Variants in C1orf21 observed in about 807,000 individuals in gnomAD.
C1orf21 encodes chromosome 1 open reading frame 21.
Under a neutral mutation model 18.7 loss-of-function variants are expected in C1orf21, and 3 were observed. The ratio of observed to expected loss-of-function variants is 0.16; its 90% CI spans 0.07 to 0.42. The LOEUF is 0.42. Ranked by LOEUF, C1orf21 falls within the 10% of genes least tolerant of loss-of-function variation. The pLI, the probability that C1orf21 is intolerant of heterozygous loss-of-function variation, is 0.99. For synonymous variants in C1orf21, 41 were observed against 46.4 expected (o/e 0.88, Z 0.47); for missense variants, 104 against 143.6 (o/e 0.72, Z 1.41).
intron 1 of C1orf21, among the ~76,000 whole-genome samples, chr1:184,410,515 A>G (rs1293715050): frequency 2.1e-5 from 3 of 144,806 alleles, no homozygotes; most frequent in Non-Finnish European, 3.0e-5. Context: ...ATATGATGGT[A>G]TTAAATAAGA....
intron 1 of C1orf21, among the ~76,000 whole-genome samples, chr1:184,406,197 A>G (rs1656246733): frequency 6.6e-6 from 1 of 152,222 alleles, no homozygotes; most frequent in African/African-American, 2.4e-5. Context: ...ACTCAATAGA[A>G]TAAAATAAAC....
At chr1:184,395,208 G>A (rs1656032536) in intron 1 of C1orf21, among the ~76,000 whole-genome samples, 1 of 151,984 alleles carries the variant, frequency 6.6e-6, no homozygotes, top group South Asian at 2.1e-4. Context: ...TTTGTCCCCA[G>A]CCAAATGTAA....
intron 1 of C1orf21, among the ~76,000 whole-genome samples, chr1:184,420,020 A>G (rs1321174159): frequency 1.3e-5 from 2 of 152,184 alleles, no homozygotes; most frequent in Non-Finnish European, 2.9e-5. Flanking sequence ...ATGGAGACGT[A>G]GATGGCAGAG....
intron 1 of C1orf21, among the ~76,000 whole-genome samples, chr1:184,449,233 TG>T (rs2101978669): frequency 6.8e-6 from 1 of 147,850 alleles, no homozygotes; most frequent in Admixed American, 7.0e-5. Context: ...CGGTGTGTGA[TG>T]TCCCCCTTCC....
chr1:184,568,908 T>A lies in C1orf21; in HGVS notation c.190-21831T>A, dbSNP rs116520971. Among the ~76,000 whole-genome samples, 1,428 of 152,372 alleles carry A rather than the reference T, an allele frequency of 9.4e-3. 26 individuals carry two copies. Among genetic ancestry groups the A allele is most frequent in the African/African-American group, 0.033 (1,372 of 41,590 alleles). On this transcript the variant is annotated intron_variant, in intron 3 of 5. Coordinates refer to ENST00000235307, the MANE Select transcript of C1orf21 (RefSeq NM_030806.4). ...ACAAGTAAAGGAGGACAAATGTTCA[T>A]TCGTTCTTTCTTTCAACCTTTATTG...
At chr1:184,556,099 C>T (rs927114772) in intron 3 of C1orf21, among the ~76,000 whole-genome samples, 1 of 152,192 alleles carries the variant, frequency 6.6e-6, no homozygotes, top group Non-Finnish European at 1.5e-5. Context: ...ACAACACACA[C>T]ACATACACAC....
At chr1:184,569,565 T>G (rs1659080597) in intron 3 of C1orf21, among the ~76,000 whole-genome samples, 1 of 152,160 alleles carries the variant, frequency 6.6e-6, no homozygotes, top group South Asian at 2.1e-4. Context: ...AAAAATAAAA[T>G]TAAACTCCAG....
At chr1:184,503,342 G>C (rs1179397897) in intron 2 of C1orf21, among the ~76,000 whole-genome samples, 1 of 151,982 alleles carries the variant, frequency 6.6e-6, no homozygotes, top group Non-Finnish European at 1.5e-5. Context: ...ATTGATAGTG[G>C]TATATGAGGT....
intron 3 of C1orf21, among the ~76,000 whole-genome samples, chr1:184,563,306 A>G (rs1304595100): frequency 6.6e-6 from 1 of 152,260 alleles, no homozygotes; most frequent in Non-Finnish European, 1.5e-5. Flanking sequence ...TTCTGCATGA[A>G]TAAAAATTAA....
intron 2 of C1orf21, among the ~76,000 whole-genome samples, chr1:184,486,327 C>G (rs1462419865): frequency 6.6e-6 from 1 of 152,162 alleles, no homozygotes; most frequent in Non-Finnish European, 1.5e-5. Flanking sequence ...GGGTTTGATT[C>G]CAGTGTCACC....
At chr1:184,535,892 GCTTTATA>G (rs893824635) in intron 3 of C1orf21, among the ~76,000 whole-genome samples, 22 of 149,408 alleles carry the variant, frequency 1.5e-4, no homozygotes, top group African/African-American at 5.4e-4. Context: ...TTTTCCATTT[GCTTTATA>G]CTCTGGCAAT....
chr1:184,541,115 G>A (rs1658644102), intron 3 of C1orf21, among the ~76,000 whole-genome samples: 2 of 152,164 alleles, frequency 1.3e-5, no homozygotes, highest in Non-Finnish European at 2.9e-5. Context: ...TTGGGGGTGG[G>A]TATGAAGGAA....
At chr1:184,613,873 G>C (rs1659777228) in intron 5 of C1orf21, among the ~76,000 whole-genome samples, 1 of 152,018 alleles carries the variant, frequency 6.6e-6, no homozygotes, top group South Asian at 2.1e-4. Flanking sequence ...TCTCCCTAGG[G>C]CAACTACAGG....
At chr1:184,425,451 G>A (rs1055514959) in intron 1 of C1orf21, among the ~76,000 whole-genome samples, 9 of 151,832 alleles carry the variant, frequency 5.9e-5, no homozygotes, top group African/African-American at 2.2e-4. Context: ...TTGTAGAGAC[G>A]AGGTCTCTCT....
intron 3 of C1orf21, among the ~76,000 whole-genome samples, chr1:184,587,131 C>T (rs148213404): frequency 1.3e-5 from 2 of 152,186 alleles, no homozygotes; most frequent in East Asian, 3.9e-4. Context: ...TGTTTTGTTC[C>T]ATTGGTCTAT....
At chr1:184,494,714 A>G (rs1381321234) in intron 2 of C1orf21, among the ~76,000 whole-genome samples, 2 of 152,208 alleles carry the variant, frequency 1.3e-5, no homozygotes, top group Non-Finnish European at 2.9e-5. Flanking sequence ...TTTTAGAGCA[A>G]TGACCATGGT....
At chr1:184,581,667 A>C (rs1217250612) in intron 3 of C1orf21, among the ~76,000 whole-genome samples, 1 of 152,106 alleles carries the variant, frequency 6.6e-6, no homozygotes, top group Non-Finnish European at 1.5e-5. Context: ...AATTATTGAC[A>C]TGGTGACTTA....
intron 1 of C1orf21, among the ~76,000 whole-genome samples, chr1:184,424,955 G>T (rs190413541): frequency 3.0e-4 from 45 of 152,282 alleles, no homozygotes; most frequent in African/African-American, 1.1e-3. Context: ...CTTGAATGGG[G>T]CAGAGTCAGA....
intron 3 of C1orf21, among the ~76,000 whole-genome samples, chr1:184,518,983 G>A (rs1192341779): frequency 6.6e-6 from 1 of 152,088 alleles, no homozygotes; most frequent in Admixed American, 6.5e-5. Context: ...TGGTTTGGGA[G>A]GCTGATGGAA....
Sources: gnomAD v4.1 joint callset for allele counts (sites outside exome capture counted in the v4.1 genomes callset) on GRCh38, gnomAD v4.1.1 for gene constraint, MANE v1.5 for transcripts, NCBI Gene and HGNC (gene_info 2026-07-23, HGNC 2026-07-21) for gene names.